Variants in CDH1 observed in about 807,000 individuals in gnomAD.
The protein encoded by CDH1 is cadherin 1.
Under a neutral mutation model 84.5 loss-of-function variants are expected in CDH1, and 35 were observed. The observed-to-expected ratio is 0.41, with a 90% CI of 0.32 to 0.55. The LOEUF is 0.55. Ranked by LOEUF, CDH1 falls within the 20% of genes least tolerant of loss-of-function variation. The pLI is 0.19. For synonymous variants in CDH1, 417 were observed against 439.0 expected (o/e 0.95, Z 0.63); for missense variants, 994 against 1,126.6 (o/e 0.88, Z 1.68).
chr16:68,787,785 A>C (rs1041541066), intron 2 of CDH1, among the ~76,000 whole-genome samples: 1 of 150,120 alleles, frequency 6.7e-6, no homozygotes, highest in African/African-American at 2.5e-5. Context: ...CAGCCTCCCA[A>C]GTAGCTGGGA....
chr16:68,763,646 A>G (rs1182029371), intron 2 of CDH1: 1 of 152,168 alleles, frequency 6.6e-6, no homozygotes, highest in Non-Finnish European at 1.5e-5. Flanking sequence ...CTCCTCCCCC[A>G]CTTCTGGGAA....
intron 11 of CDH1, among the ~76,000 whole-genome samples, chr16:68,821,488 G>T (rs934676339): frequency 6.8e-6 from 1 of 147,092 alleles, no homozygotes; most frequent in Non-Finnish European, 1.5e-5. Context: ...AAAAAAAAGC[G>T]TATGTGAACT....
intron 2 of CDH1, among the ~76,000 whole-genome samples, chr16:68,770,682 T>C (rs1959547764): frequency 6.7e-6 from 1 of 149,928 alleles, no homozygotes; most frequent in African/African-American, 2.5e-5. Context: ...TACCTAGTGG[T>C]AGAAAGGAGG....
intron 2 of CDH1, among the ~76,000 whole-genome samples, chr16:68,780,444 C>T (rs1225165627): frequency 6.6e-6 from 1 of 152,128 alleles, no homozygotes; most frequent in Non-Finnish European, 1.5e-5. Flanking sequence ...GCTGGGATTA[C>T]AGGTGTGCAC....
intron 11 of CDH1, among the ~76,000 whole-genome samples, 199 bp from the exon 12 acceptor site, chr16:68,821,802 G>A (rs1174413629): frequency 6.6e-6 from 1 of 152,156 alleles, no homozygotes; most frequent in African/African-American, 2.4e-5. Context: ...TAAGTTGTCT[G>A]TGTAAAACGG....
chr16:68,751,718 G>T (rs1962887183), intron 2 of CDH1, among the ~76,000 whole-genome samples: 1 of 151,668 alleles, frequency 6.6e-6, no homozygotes, highest in Non-Finnish European at 1.5e-5. Flanking sequence ...GGCCAGACTG[G>T]TCTCAAACTC....
chr16:68,824,286 C>T (rs754281775), intron 13 of CDH1, among the ~76,000 whole-genome samples: 18 of 152,102 alleles, frequency 1.2e-4, no homozygotes, highest in African/African-American at 1.9e-4. Context: ...CTTGAGCCAC[C>T]GCACCCGGCC....
chr16:68,798,419 T>C (rs144049840), intron 2 of CDH1, among the ~76,000 whole-genome samples: 103 of 152,174 alleles, frequency 6.8e-4, no homozygotes, highest in African/African-American at 2.4e-3. Flanking sequence ...CCTTTCAATC[T>C]TTCCTACAAT....
At chr16:68,788,928 G>A (rs542309147) in intron 2 of CDH1, among the ~76,000 whole-genome samples, 44 of 152,194 alleles carry the variant, frequency 2.9e-4, no homozygotes, top group South Asian at 1.9e-3. Flanking sequence ...TCACTTGAAC[G>A]CAGGAGGCGG....
chr16:68,833,434 T>G lies in CDH1; in HGVS notation c.2584T>G (p.Leu862Val), dbSNP rs2152144131. The stretch of plus-strand genomic sequence containing the variant: ...AGACAAAGACCAGGACTATGACTAC[T>G]TGAACGAATGGGGCAATCGCTTCAA... ...ESDKDQDYDY[L>V]NEWGNRFKKL... The change falls in exon 16 of 16, where the codon TTG becomes GTG. Residue 862 changes from leucine to valine, a missense_variant. Transcript: ENST00000261769. 6.2e-7 allele frequency: 1 copy of G among 1,614,184 alleles called. No homozygotes were observed. Among genetic ancestry groups the G allele is most frequent in the Non-Finnish European group, 8.5e-7 (1 of 1,180,032 alleles).
At chr16:68,828,417 T>C in intron 14 of CDH1, 113 bp downstream of exon 14, 1 of 1,063,396 alleles carries the variant, frequency 9.4e-7, no homozygotes, top group East Asian at 2.5e-5. Flanking sequence ...ATATTATCTT[T>C]TTAAGGCCTT....
chr16:68,821,308 AC>A (rs1961136800), intron 11 of CDH1, among the ~76,000 whole-genome samples: 1 of 150,446 alleles, frequency 6.6e-6, no homozygotes, highest in African/African-American at 2.5e-5. Flanking sequence ...CCCCCTCTCT[AC>A]AAAAAAAATT....
chr16:68,745,254 G>A (rs1339100183), intron 2 of CDH1, among the ~76,000 whole-genome samples: 1 of 151,496 alleles, frequency 6.6e-6, no homozygotes, highest in African/African-American at 2.4e-5. Flanking sequence ...GGCCAAGGCC[G>A]CAGGATTACT....
intron 3 of CDH1, 108 bp downstream of exon 3, chr16:68,802,001 GT>G: frequency 1.1e-6 from 1 of 925,858 alleles, no homozygotes; most frequent in Non-Finnish European, 1.7e-6. Context: ...ATTTTGTGTT[GT>G]AGGGGTTGTC....
chr16:68,813,492 A>T lies in CDH1; in HGVS notation c.1317A>T (p.Ala439=), dbSNP rs2152133668. ...ACAACGATGGCATTTTGAAAACAGCAAAGGTTTGTATGGTACCTGGCAAGA... is the reference window on the plus strand; with the variant it reads ...ACAACGATGGCATTTTGAAAACAGCTAAGGTTTGTATGGTACCTGGCAAGA... ...PVNNDGILKT[A]KGLDFEAKQQ... Residue 439 remains alanine, a synonymous_variant, in exon 9 of 16, where the codon GCA becomes GCT. Transcript: ENST00000261769. 2 of 1,614,140 alleles carry T rather than the reference A, an allele frequency of 1.2e-6. No individual in the cohort carries two copies. Among genetic ancestry groups the T allele is most frequent in the Non-Finnish European group, 1.7e-6 (2 of 1,179,968 alleles).
intron 2 of CDH1, among the ~76,000 whole-genome samples, chr16:68,755,890 T>C (rs1963007002): frequency 6.6e-6 from 1 of 151,754 alleles, no homozygotes; most frequent in Non-Finnish European, 1.5e-5. Context: ...CAGCCTCCGG[T>C]GTAGCTGGGA....
At position 68,819,270 on chromosome 16, in the gene CDH1, C is replaced by T. The variant is rs778678297; in HGVS notation, c.1566-10C>T. ...TCCTATTCTAAAAGCCAGAGCTTGTCCCCGTTCAGATATCGGATTTGGAGA... is the reference window on the plus strand; with the variant it reads ...TCCTATTCTAAAAGCCAGAGCTTGTTCCCGTTCAGATATCGGATTTGGAGA... On this transcript the variant is annotated splice_polypyrimidine_tract_variant and intron_variant, in intron 10 of 15. Coordinates refer to ENST00000261769, the MANE Select transcript of CDH1 (RefSeq NM_004360.5). The T allele has an allele frequency of 2.5e-6, 4 of 1,614,184 alleles. No individual in the cohort carries two copies. Among genetic ancestry groups the T allele is most frequent in the Non-Finnish European group, 3.4e-6 (4 of 1,179,998 alleles).
chr16:68,816,554 C>G (rs925347773), intron 10 of CDH1, among the ~76,000 whole-genome samples: 1 of 152,164 alleles, frequency 6.6e-6, no homozygotes, highest in Non-Finnish European at 1.5e-5. Flanking sequence ...GAAGACCAGT[C>G]TGGCCAACAT....
chr16:68,762,193 G>A (rs1252134378), intron 2 of CDH1, among the ~76,000 whole-genome samples: 1 of 152,160 alleles, frequency 6.6e-6, no homozygotes, highest in Non-Finnish European at 1.5e-5. Flanking sequence ...ACACCTCCCA[G>A]TGTTCCTTGC....
Sources: gnomAD v4.1 joint callset for allele counts (sites outside exome capture counted in the v4.1 genomes callset) on GRCh38, gnomAD v4.1.1 for gene constraint, MANE v1.5 for transcripts, NCBI Gene and HGNC (gene_info 2026-07-23, HGNC 2026-07-21) for gene names.